NPY4R2: variants seen among roughly 807,000 people sequenced by gnomAD.
NPY4R2 encodes neuropeptide Y receptor Y4-2.
For missense variants in NPY4R2, 7 were observed against 268.8 expected (o/e 0.03, Z 6.81); for synonymous variants, 6 against 115.2 (o/e 0.05, Z 6.07).
chr10:47,922,118 T>C lies in NPY4R2; in HGVS notation c.131T>C (p.Ile44Thr), dbSNP rs1477410934. ...GATTCCGTGGACGTGATGGTCTTCA[T>C]TGTCACTTCCTACAGCATTGAGACT... Residue 44 changes from isoleucine (I) to threonine (T), a missense_variant, in exon 3 of 3, where the codon ATT (isoleucine) becomes ACT (threonine). Ile to Thr is a moderately conservative substitution (Grantham distance 89). Coordinates refer to ENST00000576178, the Ensembl canonical transcript of NPY4R2. 2 of 513,814 alleles carry C rather than the reference T, an allele frequency of 3.9e-6. 1 individual carries two copies. Among genetic ancestry groups the C allele is most frequent in the African/African-American group, 9.1e-5 (2 of 21,966 alleles). The allele number at this position is 513,814 out of a possible 1,614,324, so 31.8% of individuals were successfully genotyped here.
intron 1 of NPY4R2, among the ~76,000 whole-genome samples, chr10:47,920,237 CT>C (rs147157851): frequency 0.047 from 3,153 of 66,748 alleles, 31 homozygotes; most frequent in African/African-American, 0.09. Context: ...AAATGAGACT[CT>C]TTTTTTTTTT....
intron 2 of NPY4R2, among the ~76,000 whole-genome samples, chr10:47,921,509 T>G (rs1841755816): frequency 1.3e-5 from 2 of 151,320 alleles, no homozygotes; most frequent in South Asian, 4.2e-4. Context: ...CCAACTTCTT[T>G]ATCATCAGAA....
At chr10:47,918,375 G>A (rs1554991264), upstream of NPY4R2, among the ~76,000 whole-genome samples, 328 of 14,346 alleles carry the variant, frequency 0.023, 3 homozygotes, top group African/African-American at 0.12. Context: ...GAGAGAGAGA[G>A]AGAGAGAGAG....
chr10:47,920,350 C>T (rs1208691468), intron 1 of NPY4R2, among the ~76,000 whole-genome samples: 2 of 66,502 alleles, frequency 3.0e-5, no homozygotes, highest in African/African-American at 6.9e-5. Flanking sequence ...GATTCTCCTG[C>T]TTCACCCTCC....
At chr10:47,920,263 G>T (rs1375207218) in intron 1 of NPY4R2, among the ~76,000 whole-genome samples, 2 of 92,388 alleles carry the variant, frequency 2.2e-5, no homozygotes, top group African/African-American at 5.5e-5. Flanking sequence ...TTGAGACAGA[G>T]TCTCGCTCTG....
At chr10:47,915,327 T>TAGA (rs1314108228), upstream of NPY4R2, among the ~76,000 whole-genome samples, 46 of 114,062 alleles carry the variant, frequency 4.0e-4, no homozygotes, top group Non-Finnish European at 5.8e-4. Context: ...GAGGCAGCAC[T>TAGA]AGAAGGCCTG....
intron 2 of NPY4R2, among the ~76,000 whole-genome samples, 172 bp from the exon 3 acceptor site, chr10:47,921,757 C>G (rs1554990163): frequency 6.6e-6 from 1 of 151,634 alleles, no homozygotes; most frequent in Non-Finnish European, 1.5e-5. Flanking sequence ...GTGCTTCTAA[C>G]AAGGTAGCAA....
At chr10:47,918,356 G>GGAGAGAGAGAGAGA (rs139901640), upstream of NPY4R2, among the ~76,000 whole-genome samples, 3 of 17,744 alleles carry the variant, frequency 1.7e-4, no homozygotes, top group African/African-American at 1.0e-3. Context: ...GGGGAGGGAG[G>GGAGAGAGAGAGAGA]GAGAGAGAGA....
intron 2 of NPY4R2, among the ~76,000 whole-genome samples, chr10:47,921,456 T>C (rs1309253712): frequency 6.6e-6 from 1 of 152,034 alleles, no homozygotes; most frequent in Non-Finnish European, 1.5e-5. Context: ...ATTCTACCCA[T>C]GTTCCCTGAA....
upstream of NPY4R2, among the ~76,000 whole-genome samples, chr10:47,918,391 A>G (rs1168580751): frequency 3.5e-3 from 62 of 17,500 alleles, 1 homozygote; most frequent in African/African-American, 0.03. Context: ...GAGAGAAAGA[A>G]AGAAAGAAAG....
At chr10:47,920,080 G>C (rs1331981612) in intron 1 of NPY4R2, among the ~76,000 whole-genome samples, 3 of 19,026 alleles carry the variant, frequency 1.6e-4, no homozygotes, top group Non-Finnish European at 2.5e-4. Context: ...CTCTGGAATA[G>C]TTTATTTTGC....
upstream of NPY4R2, among the ~76,000 whole-genome samples, chr10:47,916,271 G>A (rs1841116491): frequency 7.8e-6 from 1 of 127,996 alleles, no homozygotes; most frequent in African/African-American, 2.6e-5. Context: ...GGGAAGAACA[G>A]CAGCTCCCAG....
chr10:47,922,713 G>A, exon 3 of NPY4R2: 1 of 1,612,858 alleles, frequency 6.2e-7, no homozygotes, highest in Non-Finnish European at 8.5e-7. Context: ...GGCGCCTGCA[G>A]AGGCAGGGGC....
chr10:47,916,663 A>T (rs4979662), upstream of NPY4R2, among the ~76,000 whole-genome samples: 12,152 of 105,566 alleles, frequency 0.12, 421 homozygotes, highest in Non-Finnish European at 0.17. Flanking sequence ...CTGCCTGGCA[A>T]GGGAGCTGTT....
upstream of NPY4R2, among the ~76,000 whole-genome samples, chr10:47,918,370 AGAGAGAGAG>A (rs1569508881): frequency 0.033 from 653 of 20,044 alleles, 3 homozygotes; most frequent in African/African-American, 0.062. Flanking sequence ...AGAGAGAGAG[AGAGAGAGAG>A]AGAGAGAAAG....
At chr10:47,918,423 AAGAAAG>A (rs1841696058), upstream of NPY4R2, among the ~76,000 whole-genome samples, 2 of 35,098 alleles carry the variant, frequency 5.7e-5, 1 homozygote, top group Non-Finnish European at 1.2e-4. Flanking sequence ...GAAAGAAAGA[AAGAAAG>A]AAAGAGAGAG....
At chr10:47,915,013 G>A (rs1841143089), upstream of NPY4R2, among the ~76,000 whole-genome samples, 1 of 152,266 alleles carries the variant, frequency 6.6e-6, no homozygotes, top group African/African-American at 2.4e-5. Flanking sequence ...AAATAAACTG[G>A]TTTCCCCGGA....
upstream of NPY4R2, among the ~76,000 whole-genome samples, chr10:47,916,670 T>C (rs1249912180): frequency 7.3e-6 from 1 of 136,412 alleles, no homozygotes; most frequent in Non-Finnish European, 1.7e-5. Flanking sequence ...GCAAGGGAGC[T>C]GTTTGCTGCT....
exon 2 of NPY4R2, chr10:47,920,773 T>C (rs1241753942): frequency 6.7e-6 from 1 of 149,172 alleles, no homozygotes; most frequent in African/African-American, 2.5e-5. Context: ...CTTAACTACA[T>C]CTCCTGGTGG....
Sources: allele counts gnomAD v4.1 joint callset (sites outside exome capture counted in the v4.1 genomes callset), GRCh38; gene constraint gnomAD v4.1.1; transcripts MANE v1.5; gene names NCBI Gene and HGNC (gene_info 2026-07-23, HGNC 2026-07-21).